Variants in LSP1 observed in about 807,000 individuals in gnomAD.
LSP1 encodes lymphocyte specific protein 1, also known as lymphocyte-specific protein 1.
Under a neutral mutation model 49.3 loss-of-function variants are expected in LSP1, and 32 were observed. That is an observed-to-expected ratio of 0.65 (90% CI 0.49 to 0.87). The LOEUF is 0.87. Among genes scored for constraint, LSP1 ranks in the 40% least tolerant of loss-of-function variants. The pLI, the probability that LSP1 is intolerant of heterozygous loss-of-function variation, is 0.00. For synonymous variants in LSP1, 179 were observed against 178.8 expected, an observed-to-expected ratio of 1.00 and a Z score of -0.01; for missense variants, 428 against 442.6, an observed-to-expected ratio of 0.97 and a Z score of 0.30.
chr11:1,874,462 G>C (rs1348510408), intron 1 of LSP1, among the ~76,000 whole-genome samples: 1 of 152,146 alleles, frequency 6.6e-6, no homozygotes, highest in African/African-American at 2.4e-5. Context: ...GAGGGTGGCT[G>C]AGACTCAGGG....
intron 1 of LSP1, among the ~76,000 whole-genome samples, chr11:1,855,364 C>G (rs4980395): frequency 6.6e-6 from 1 of 152,102 alleles, no homozygotes; most frequent in African/African-American, 2.4e-5. Flanking sequence ...GACAGCCCCC[C>G]GTGCATGTCA....
Position 1,884,467 on chromosome 11 carries a change from G to A in LSP1, c.636-33G>A, listed in dbSNP as rs1384058915. On this transcript the variant is annotated intron_variant, in intron 6 of 10. Transcript: ENST00000311604. The surrounding 1 kb of genome is among the most constrained non-coding windows in gnomAD (Gnocchi z 4.1). Reference sequence around the variant, plus strand: ...GCAGGTTGGGAGAAGCCTTGTGGGAGACATGGGGCCTGACACATCTTCTAC... The same window carrying A: ...GCAGGTTGGGAGAAGCCTTGTGGGAAACATGGGGCCTGACACATCTTCTAC... 1 of 1,606,910 alleles carries A rather than the reference G, an allele frequency of 6.2e-7. No individual in the cohort carries two copies. Among genetic ancestry groups the A allele is most frequent in the East Asian group, 2.2e-5 (1 of 44,854 alleles).
chr11:1,874,450 C>T (rs1170814300), intron 1 of LSP1, among the ~76,000 whole-genome samples: 1 of 152,086 alleles, frequency 6.6e-6, no homozygotes, highest in Non-Finnish European at 1.5e-5. Flanking sequence ...TGGGTGAGAA[C>T]AGAGGGTGGC....
chr11:1,859,470 C>A (rs1213229822), intron 1 of LSP1: 1 of 154,470 alleles, frequency 6.5e-6, no homozygotes, highest in Non-Finnish European at 1.5e-5. Flanking sequence ...CTGAGTGGAA[C>A]CTACACTTTT....
chr11:1,853,423 C>G (rs369845432), intron 1 of LSP1, among the ~76,000 whole-genome samples: 2 of 152,228 alleles, frequency 1.3e-5, no homozygotes, highest in East Asian at 1.9e-4. Flanking sequence ...CCGCCTGCCT[C>G]TGTGCCCTGG....
chr11:1,878,340 T>C (rs1018266701), intron 1 of LSP1, among the ~76,000 whole-genome samples: 2 of 152,198 alleles, frequency 1.3e-5, no homozygotes, highest in Non-Finnish European at 2.9e-5. Flanking sequence ...CCCCCAGCCA[T>C]GCGGAGGCCG....
At position 1,883,552 on chromosome 11, in the gene LSP1, C is replaced by T; in HGVS notation, c.490C>T (p.Gln164Ter). 6.2e-7 allele frequency: 1 copy of T among 1,610,994 alleles called. No individual in the cohort carries two copies. The highest frequency in any genetic ancestry group is 8.5e-7 in the Non-Finnish European group (1 of 1,178,924). ...GGGGGCCGCAGGGGCTGAGGAGGAA[C>T]AGGAGGAGGTGATGGCTCCACCTCA... Reference protein sequence around the residue: ...NLGAAGAEEEQEEHQKCQQPR... With the variant: ...NLGAAGAEEE Residue 164 changes from glutamine (Q) to a stop codon, truncating the protein, a stop_gained, in exon 4 of 11, where the codon CAG becomes TAG. Transcript: ENST00000311604. LOFTEE classifies it high-confidence loss of function.
chr11:1,878,803 G>A (rs145430781), intron 1 of LSP1, among the ~76,000 whole-genome samples: 2 of 152,220 alleles, frequency 1.3e-5, no homozygotes, highest in African/African-American at 4.8e-5. Context: ...CCCTGTAGGA[G>A]TGTAGAGACC....
intron 1 of LSP1, among the ~76,000 whole-genome samples, chr11:1,875,856 G>C (rs1464270708): frequency 6.6e-6 from 1 of 152,186 alleles, no homozygotes; most frequent in Non-Finnish European, 1.5e-5. Context: ...GGCTGTCTCT[G>C]CTCCTGGCTC....
chr11:1,887,472 A>G lies in LSP1; in HGVS notation c.931-2A>G. 6.2e-7 allele frequency: 1 copy of G among 1,613,678 alleles called. No homozygotes were observed. The highest frequency in any genetic ancestry group is 8.5e-7 in the Non-Finnish European group (1 of 1,179,740). ...TTCACTCTTGGTCTCCTTTCCCAAC[A>G]GAGCACCCCATCTGGGAAGAGGTAT... On this transcript the variant is annotated splice_acceptor_variant, in intron 9 of 10. Transcript: ENST00000311604. LOFTEE classifies it high-confidence loss of function.
At position 1,871,259 on chromosome 11, in the gene LSP1, G is replaced by C. The variant is rs564590967; in HGVS notation, c.54-8828G>C. 8.1e-6 allele frequency: 8 copies of C among 986,854 alleles called. No individual in the cohort carries two copies. In the South Asian group the frequency reaches 3.7e-4, roughly 46 times the overall value. 61.1% of individuals were successfully genotyped at this position (986,854 alleles called of 1,614,324 possible). A position where few individuals can be genotyped will look rare whatever the true frequency, so the allele number is the denominator to read the frequency against. The stretch of plus-strand genomic sequence containing the variant: ...CAGGCAGAGCCGCAGCCACGCCGCC[G>C]GGATGCAGCAGGCAGGGCCACCCAC... On this transcript the variant is annotated intron_variant, in intron 1 of 10. Transcript: ENST00000311604.
At chr11:1,859,751 C>A (rs1847579118) in intron 1 of LSP1, among the ~76,000 whole-genome samples, 1 of 150,284 alleles carries the variant, frequency 6.7e-6, no homozygotes, top group Non-Finnish European at 1.5e-5. Flanking sequence ...CTGCCCCCTA[C>A]CCGTGGCTCT....
At chr11:1,890,057 G>A (rs780826752) in intron 10 of LSP1, 1 of 709,010 alleles carries the variant, frequency 1.4e-6, no homozygotes, top group East Asian at 2.7e-5. Flanking sequence ...GGGTGACGTG[G>A]GTGCCCCCAC....
intron 3 of LSP1, 53 bp downstream of exon 3, chr11:1,881,649 C>A: frequency 6.9e-7 from 1 of 1,445,252 alleles, no homozygotes; most frequent in South Asian, 1.5e-5. Context: ...TCCCTCTGGA[C>A]CTCGAGGGCG....
chr11:1,861,978 G>A (rs1048590727), intron 1 of LSP1, among the ~76,000 whole-genome samples: 5 of 150,158 alleles, frequency 3.3e-5, no homozygotes, highest in Admixed American at 6.6e-5. Flanking sequence ...TGGATGAATA[G>A]ATGGATGGGT....
At chr11:1,883,327 A>G in intron 3 of LSP1, 92 bp from the exon 4 acceptor site, 3 of 1,492,036 alleles carry the variant, frequency 2.0e-6, no homozygotes, top group Non-Finnish European at 2.8e-6. Context: ...CCTTCATTTT[A>G]CAGATGGGGA....
chr11:1,883,698 C>G (rs1462531462), intron 4 of LSP1, 138 bp downstream of exon 4: 2 of 1,121,404 alleles, frequency 1.8e-6, no homozygotes, highest in Non-Finnish European at 1.2e-6. Flanking sequence ...ACCTTGCAGC[C>G]CCTTCTGGGC....
intron 1 of LSP1, among the ~76,000 whole-genome samples, chr11:1,875,616 C>T (rs946792234): frequency 2.0e-5 from 3 of 152,254 alleles, no homozygotes; most frequent in Non-Finnish European, 2.9e-5. Flanking sequence ...CTCACTGCGG[C>T]GTCTCCCTTG....
intron 1 of LSP1, among the ~76,000 whole-genome samples, chr11:1,855,717 T>G (rs964323564): frequency 1.3e-5 from 2 of 152,202 alleles, no homozygotes; most frequent in Non-Finnish European, 2.9e-5. Context: ...CTCGCCCCGC[T>G]GTCCAGCAGA....
Sources: allele counts gnomAD v4.1 joint callset (sites outside exome capture counted in the v4.1 genomes callset), GRCh38; gene constraint gnomAD v4.1.1; non-coding constraint Gnocchi (gnomAD v3.1); transcripts MANE v1.5; gene names NCBI Gene and HGNC (gene_info 2026-07-23, HGNC 2026-07-21).